The following MEI4 variants were observed in gnomAD, a reference collection of about 807,000 sequenced individuals.
MEI4 encodes meiotic double-stranded break formation protein 4, also known as meiosis-specific protein MEI4.
In MEI4, 27 loss-of-function variants were observed where a neutral mutation model predicts 31.4. The observed-to-expected ratio is 0.86, with a 90% CI of 0.63 to 1.19. The LOEUF is 1.19. Among genes scored for constraint, MEI4 ranks in the 50% most tolerant of loss-of-function variants. The pLI is 0.00. For synonymous variants in MEI4, 122 were observed against 145.4 expected (o/e 0.84, Z 1.16); for missense variants, 329 against 398.9 (o/e 0.82, Z 1.49).
intron 3 of MEI4, among the ~76,000 whole-genome samples, chr6:77,810,523 A>G (rs1030216274): frequency 3.9e-5 from 6 of 152,178 alleles, no homozygotes; most frequent in Admixed American, 2.6e-4. Context: ...CAGAAAACAA[A>G]AAGTAAAGGC....
chr6:77,883,715 A>AGAGAGAG (rs1562025017), intron 4 of MEI4, among the ~76,000 whole-genome samples: 8 of 65,612 alleles, frequency 1.2e-4, no homozygotes, highest in African/African-American at 5.2e-4. Context: ...GCTATTATGT[A>AGAGAGAG]AGATATATAT....
chr6:77,853,290 T>C lies in MEI4; in HGVS notation c.900+24228T>C, dbSNP rs1416933519. Among the ~76,000 whole-genome samples, 4 of 152,328 alleles carry C rather than the reference T, an allele frequency of 2.6e-5. No individual in the cohort carries two copies. The East Asian group carries it at 7.7e-4, about 29-fold the overall frequency. ...TTGTGCCCTAGTGCATTATAGCTCATAGATTTACAGAACATCAAGAGAAAA... is the reference window on the plus strand; with the variant it reads ...TTGTGCCCTAGTGCATTATAGCTCACAGATTTACAGAACATCAAGAGAAAA... On this transcript the variant is annotated intron_variant, in intron 4 of 4. Transcript: ENST00000684080.
At position 77,738,875 on chromosome 6, in the gene MEI4, C is replaced by T. The variant is rs147854210; in HGVS notation, c.233-22255C>T. Among the ~76,000 whole-genome samples the T allele has an allele frequency of 1.6e-3, 244 of 152,190 alleles. 2 individuals carry two copies. Among genetic ancestry groups the T allele is most frequent in the African/African-American group, 5.4e-3 (225 of 41,532 alleles). ...AGCTTTTTCTCATATGTTTCTTGGC[C>T]GCATAAATGTCTTCTTTTGAAAAGT... On this transcript the variant is annotated intron_variant, in intron 2 of 4. Transcript: ENST00000684080.
chr6:77,853,580 A>G (rs1770682996), intron 4 of MEI4, among the ~76,000 whole-genome samples: 1 of 152,242 alleles, frequency 6.6e-6, no homozygotes. Flanking sequence ...GGCAATGTGC[A>G]TCAGGGTGCT....
At chr6:77,894,676 G>T (rs1383493507) in intron 4 of MEI4, among the ~76,000 whole-genome samples, 1 of 152,148 alleles carries the variant, frequency 6.6e-6, no homozygotes, top group Admixed American at 6.6e-5. Flanking sequence ...AAAATTATTG[G>T]AAAGGTTCTG....
At chr6:77,869,108 AT>A (rs1393151854) in intron 4 of MEI4, among the ~76,000 whole-genome samples, 1 of 152,160 alleles carries the variant, frequency 6.6e-6, no homozygotes, top group Non-Finnish European at 1.5e-5. Flanking sequence ...GGTGATGGGA[AT>A]ATTGCAGTAA....
chr6:77,785,238 T>C (rs1357772887), intron 3 of MEI4, among the ~76,000 whole-genome samples: 1 of 152,166 alleles, frequency 6.6e-6, no homozygotes, highest in Non-Finnish European at 1.5e-5. Context: ...TAAAACTTTA[T>C]GCAAATACTA....
At chr6:77,801,535 G>A (rs1015907974) in intron 3 of MEI4, among the ~76,000 whole-genome samples, 9 of 152,068 alleles carry the variant, frequency 5.9e-5, no homozygotes, top group Non-Finnish European at 1.2e-4. Context: ...GCTAGCTTTT[G>A]AATGTGTTTG....
intron 3 of MEI4, among the ~76,000 whole-genome samples, chr6:77,783,611 T>G (rs1768651384): frequency 6.6e-6 from 1 of 150,816 alleles, no homozygotes. Flanking sequence ...TTCTAAAATA[T>G]AAGATCAATT....
intron 3 of MEI4, among the ~76,000 whole-genome samples, chr6:77,803,249 T>G (rs1230673507): frequency 6.6e-6 from 1 of 152,208 alleles, no homozygotes; most frequent in Non-Finnish European, 1.5e-5. Context: ...TACCCTTTCT[T>G]CCAGTTGATC....
At chr6:77,727,720 A>G (rs1766862977) in intron 2 of MEI4, among the ~76,000 whole-genome samples, 1 of 152,242 alleles carries the variant, frequency 6.6e-6, no homozygotes, top group Non-Finnish European at 1.5e-5. Flanking sequence ...TTTCATGGAC[A>G]GGTTTTGATG....
At chr6:77,673,116 A>G (rs1199059368) in intron 1 of MEI4, among the ~76,000 whole-genome samples, 1 of 152,128 alleles carries the variant, frequency 6.6e-6, no homozygotes, top group Non-Finnish European at 1.5e-5. Flanking sequence ...AAGATTACTG[A>G]TTGGGTGTCA....
At chr6:77,832,754 A>G (rs1328047813) in intron 4 of MEI4, among the ~76,000 whole-genome samples, 2 of 152,236 alleles carry the variant, frequency 1.3e-5, no homozygotes, top group East Asian at 1.9e-4. Flanking sequence ...AAGATAAAGT[A>G]TGGAATAATT....
chr6:77,916,693 C>T (rs944742035), intron 4 of MEI4, among the ~76,000 whole-genome samples: 1 of 152,012 alleles, frequency 6.6e-6, no homozygotes, highest in African/African-American at 2.4e-5. Flanking sequence ...CATTAGAAAC[C>T]AGTATGTATC....
intron 1 of MEI4, among the ~76,000 whole-genome samples, chr6:77,687,650 C>T (rs2127651423): frequency 6.6e-6 from 1 of 151,732 alleles, no homozygotes; most frequent in South Asian, 2.1e-4. Context: ...GGCTTGATAA[C>T]TTGCTAGAAT....
At chr6:77,655,447 G>A (rs572615984) in intron 1 of MEI4, among the ~76,000 whole-genome samples, 31 of 152,232 alleles carry the variant, frequency 2.0e-4, no homozygotes, top group Admixed American at 5.9e-4. Flanking sequence ...TTCTTCTTCC[G>A]TTATTTGCAA....
At chr6:77,891,859 A>G (rs9343687) in intron 4 of MEI4, among the ~76,000 whole-genome samples, 125,728 of 152,218 alleles carry the variant, frequency 0.83, 52,441 homozygotes, top group East Asian at 0.95. Flanking sequence ...CAGTAGGTTA[A>G]ATTTTGTATG....
chr6:77,874,494 G>A (rs1771280934), intron 4 of MEI4, among the ~76,000 whole-genome samples: 2 of 152,180 alleles, frequency 1.3e-5, no homozygotes, highest in Non-Finnish European at 2.9e-5. Flanking sequence ...GTCAGCTTAA[G>A]GAGATTTTGG....
chr6:77,728,655 A>G (rs117193223), intron 2 of MEI4, among the ~76,000 whole-genome samples: 4,610 of 152,332 alleles, frequency 0.03, 89 homozygotes, highest in Non-Finnish European at 0.042. Flanking sequence ...GATCGTCAGG[A>G]AGCCTTTATT....
Sources: gnomAD v4.1 joint callset for allele counts (sites outside exome capture counted in the v4.1 genomes callset) on GRCh38, gnomAD v4.1.1 for gene constraint, MANE v1.5 for transcripts, NCBI Gene and HGNC (gene_info 2026-07-23, HGNC 2026-07-21) for gene names.